Variants in CNTNAP2 observed in about 807,000 individuals in gnomAD.
CNTNAP2 encodes contactin-associated protein-like 2.
In CNTNAP2, 98 loss-of-function variants were observed where a neutral mutation model predicts 155.2. The observed-to-expected ratio is 0.63, with a 90% CI of 0.54 to 0.75. The LOEUF is 0.75. Ranked by LOEUF, CNTNAP2 falls within the 30% of genes least tolerant of loss-of-function variation. The pLI is 0.00. For missense variants in CNTNAP2, 1,727 were observed against 1,688.1 expected, an observed-to-expected ratio of 1.02 and a Z score of -0.40; for synonymous variants, 651 against 631.2, an observed-to-expected ratio of 1.03 and a Z score of -0.47.
chr7:148,284,026 G>A (rs1224762780), intron 21 of CNTNAP2, among the ~76,000 whole-genome samples: 1 of 152,196 alleles, frequency 6.6e-6, no homozygotes, highest in Non-Finnish European at 1.5e-5. Context: ...ATGAAACATA[G>A]CTACTGCAAA....
At chr7:147,659,959 T>G (rs1163117687) in intron 13 of CNTNAP2, among the ~76,000 whole-genome samples, 1 of 152,232 alleles carries the variant, frequency 6.6e-6, no homozygotes, top group Non-Finnish European at 1.5e-5. Context: ...TATCCTCTGA[T>G]TCATTAGTTC....
intron 15 of CNTNAP2, among the ~76,000 whole-genome samples, chr7:148,060,506 C>T (rs1016172079): frequency 5.3e-5 from 8 of 152,216 alleles, no homozygotes; most frequent in Admixed American, 1.3e-4. Context: ...AATAGTTATA[C>T]CTTGAATCCT....
intron 13 of CNTNAP2, among the ~76,000 whole-genome samples, chr7:147,710,257 A>C (rs889280035): frequency 2.0e-5 from 3 of 152,170 alleles, no homozygotes; most frequent in African/African-American, 7.2e-5. Flanking sequence ...TGCACTGACC[A>C]TTCAACTATC....
At chr7:147,469,009 G>C (rs1798166892) in intron 10 of CNTNAP2, among the ~76,000 whole-genome samples, 1 of 152,026 alleles carries the variant, frequency 6.6e-6, no homozygotes, top group Non-Finnish European at 1.5e-5. Context: ...TTTTAGTAGA[G>C]ATGGGGTTTC....
At chr7:147,245,761 CAAAAAAA>C (rs34304342) in intron 8 of CNTNAP2, among the ~76,000 whole-genome samples, 1 of 85,234 alleles carries the variant, frequency 1.2e-5, no homozygotes, top group Non-Finnish European at 2.1e-5. Flanking sequence ...GACTCTGTCT[CAAAAAAA>C]AAAAAAAAAA....
chr7:146,367,069 T>G (rs925697806), intron 1 of CNTNAP2, among the ~76,000 whole-genome samples: 1 of 152,140 alleles, frequency 6.6e-6, no homozygotes, highest in African/African-American at 2.4e-5. Context: ...TGAGAACCAA[T>G]GAACAAACAA....
intron 10 of CNTNAP2, among the ~76,000 whole-genome samples, chr7:147,427,394 A>T (rs1797396856): frequency 6.6e-6 from 1 of 152,164 alleles, no homozygotes; most frequent in Admixed American, 6.6e-5. Flanking sequence ...GGTTCTTTCA[A>T]CAGATAGAGA....
At chr7:147,359,932 CAACAT>C (rs1376510497) in intron 9 of CNTNAP2, among the ~76,000 whole-genome samples, 2 of 152,056 alleles carry the variant, frequency 1.3e-5, no homozygotes, top group East Asian at 3.9e-4. Flanking sequence ...TTTTTATAAA[CAACAT>C]AAACTTGAAT....
At chr7:147,705,453 T>G (rs1237206605) in intron 13 of CNTNAP2, among the ~76,000 whole-genome samples, 1 of 152,188 alleles carries the variant, frequency 6.6e-6, no homozygotes. Context: ...TCTTCAGACT[T>G]GTTCTGTTTC....
intron 21 of CNTNAP2, among the ~76,000 whole-genome samples, chr7:148,371,335 C>T (rs988634856): frequency 3.9e-5 from 6 of 152,074 alleles, no homozygotes; most frequent in Non-Finnish European, 8.8e-5. Flanking sequence ...GGGGAAGGCA[C>T]GATGGCATTT....
chr7:146,888,544 A>G (rs1300440995), intron 3 of CNTNAP2, among the ~76,000 whole-genome samples: 4 of 152,158 alleles, frequency 2.6e-5, no homozygotes, highest in Admixed American at 6.6e-5. Flanking sequence ...AAATTGAAAT[A>G]ATCAAGACCA....
chr7:146,801,052 A>C (rs562777549), intron 2 of CNTNAP2, among the ~76,000 whole-genome samples: 1 of 152,288 alleles, frequency 6.6e-6, no homozygotes, highest in African/African-American at 2.4e-5. Flanking sequence ...TAATTTATAA[A>C]GAAAAGAGAT....
chr7:148,258,339 A>T (rs575010323), intron 20 of CNTNAP2, among the ~76,000 whole-genome samples: 88 of 152,306 alleles, frequency 5.8e-4, no homozygotes, highest in African/African-American at 2.0e-3. Context: ...ACCTAATCCT[A>T]CTTCTTTATC....
chr7:146,386,206 C>T (rs1337095143), intron 1 of CNTNAP2, among the ~76,000 whole-genome samples: 1 of 151,958 alleles, frequency 6.6e-6, no homozygotes, highest in African/African-American at 2.4e-5. Flanking sequence ...TTCTATCCTC[C>T]AACACCCAAA....
chr7:147,174,813 A>G (rs1802303530), intron 8 of CNTNAP2, among the ~76,000 whole-genome samples: 1 of 152,144 alleles, frequency 6.6e-6, no homozygotes, highest in Admixed American at 6.5e-5. Flanking sequence ...ATAGGCAAAC[A>G]CTATATATGC....
chr7:146,801,169 C>G (rs1400814328), intron 2 of CNTNAP2, among the ~76,000 whole-genome samples: 2 of 152,054 alleles, frequency 1.3e-5, no homozygotes, highest in African/African-American at 4.8e-5. Flanking sequence ...CACATGATGA[C>G]AGAAGGAGCA....
intron 1 of CNTNAP2, among the ~76,000 whole-genome samples, chr7:146,455,911 C>T (rs1796547890): frequency 6.6e-6 from 1 of 152,026 alleles, no homozygotes; most frequent in Non-Finnish European, 1.5e-5. Context: ...TGACTTAAAA[C>T]ATGAAATATA....
At chr7:146,534,445 G>A (rs183739227) in intron 1 of CNTNAP2, among the ~76,000 whole-genome samples, 42 of 152,106 alleles carry the variant, frequency 2.8e-4, no homozygotes, top group African/African-American at 9.4e-4. Context: ...CAGTCTCTGC[G>A]TTTATCAATT....
intron 9 of CNTNAP2, among the ~76,000 whole-genome samples, chr7:147,318,395 C>G (rs1346815319): frequency 6.6e-6 from 1 of 152,158 alleles, no homozygotes; most frequent in Non-Finnish European, 1.5e-5. Flanking sequence ...GATCGTGCCA[C>G]TGCACTCCAG....
Sources: allele counts gnomAD v4.1 joint callset (sites outside exome capture counted in the v4.1 genomes callset), GRCh38; gene constraint gnomAD v4.1.1; transcripts MANE v1.5; gene names NCBI Gene and HGNC (gene_info 2026-07-23, HGNC 2026-07-21).